The following TSHZ3 variants were observed in gnomAD, a reference collection of about 807,000 sequenced individuals.
TSHZ3 encodes the protein teashirt homolog 3.
In TSHZ3, 10 loss-of-function variants were observed where a neutral mutation model predicts 64.5. The ratio of observed to expected loss-of-function variants is 0.16; its 90% CI spans 0.10 to 0.26. The LOEUF (loss-of-function observed/expected upper bound fraction) is 0.26, where lower values mean the gene tolerates loss of function less well. Ranked by LOEUF, TSHZ3 falls within the 10% of genes least tolerant of loss-of-function variation. The pLI is 1.00. For missense variants in TSHZ3, 1,242 were observed against 1,421.7 expected (o/e 0.87, Z 2.03); for synonymous variants, 608 against 593.1 (o/e 1.03, Z -0.36).
chr19:31,233,774 A>G (rs1975571169), intron 3 of TSHZ3, among the ~76,000 whole-genome samples: 1 of 152,176 alleles, frequency 6.6e-6, no homozygotes, highest in Admixed American at 6.5e-5. Context: ...TGAGCAAAGG[A>G]TTGAGGTTCA....
At position 31,256,024 on chromosome 19, in the gene TSHZ3, G is replaced by A. The variant is rs562471720; in HGVS notation, n.64-13149C>T. 6.6e-5 allele frequency among the ~76,000 whole-genome samples: 10 copies of A among 152,228 alleles called. 1 individual carries two copies. Among genetic ancestry groups the A allele is most frequent in the African/African-American group, 2.2e-4 (9 of 41,526 alleles). On this transcript the variant is annotated intron_variant and non_coding_transcript_variant, in intron 1 of 6. Transcript: ENST00000651361. The stretch of plus-strand genomic sequence containing the variant: ...GGTGCAGGGGATGCAGTAGGAGAGC[G>A]CAGGGGTGGCGCCAAAACTGAGTGC...
chr19:31,171,789 G>A (rs1377804652), intron 5 of TSHZ3, among the ~76,000 whole-genome samples: 1 of 152,084 alleles, frequency 6.6e-6, no homozygotes, highest in Non-Finnish European at 1.5e-5. Flanking sequence ...GAATTAATGT[G>A]ATGTCAGTAT....
intron 4 of TSHZ3, among the ~76,000 whole-genome samples, chr19:31,223,180 T>C (rs1975412686): frequency 6.6e-6 from 1 of 152,142 alleles, no homozygotes; most frequent in Admixed American, 6.5e-5. Context: ...TTGTTTTTGG[T>C]GTACACTTAA....
intron 4 of TSHZ3, among the ~76,000 whole-genome samples, chr19:31,214,252 C>T (rs776345393): frequency 7.2e-5 from 11 of 152,164 alleles, no homozygotes; most frequent in Non-Finnish European, 1.5e-4. Context: ...GGGTCCCAGC[C>T]GCAGGGTAAC....
intron 1 of TSHZ3, among the ~76,000 whole-genome samples, chr19:31,319,890 G>A (rs796909247): frequency 8.9e-5 from 13 of 146,114 alleles, no homozygotes; most frequent in African/African-American, 3.3e-4. Context: ...GCCCCCCTGA[G>A]AAAGTAGCAA....
At chr19:31,243,692 A>C (rs1480718099) in intron 1 of TSHZ3, among the ~76,000 whole-genome samples, 1 of 152,044 alleles carries the variant, frequency 6.6e-6, no homozygotes, top group Non-Finnish European at 1.5e-5. Context: ...TCCCCTGCCA[A>C]GGTCAGGGTT....
chr19:31,159,325 T>C (rs1974343247), intron 5 of TSHZ3, among the ~76,000 whole-genome samples: 1 of 152,052 alleles, frequency 6.6e-6, no homozygotes. Flanking sequence ...TTTAAGGACC[T>C]TCGTGATTAC....
chr19:31,225,648 A>T (rs1975449411), intron 4 of TSHZ3, among the ~76,000 whole-genome samples: 1 of 152,142 alleles, frequency 6.6e-6, no homozygotes, highest in Admixed American at 6.5e-5. Flanking sequence ...ACAAAGGTGA[A>T]GTTCGCCCTT....
chr19:31,322,397 C>A (rs1245868263), intron 1 of TSHZ3, among the ~76,000 whole-genome samples: 1 of 152,084 alleles, frequency 6.6e-6, no homozygotes, highest in African/African-American at 2.4e-5. Flanking sequence ...GGATTACAGG[C>A]GTGAGCCCCC....
At chr19:31,291,765 T>A (rs1234466100) in intron 1 of TSHZ3, among the ~76,000 whole-genome samples, 1 of 152,176 alleles carries the variant, frequency 6.6e-6, no homozygotes, top group African/African-American at 2.4e-5. Flanking sequence ...TCTGCTGTCA[T>A]GGGGAGTCCA....
At chr19:31,179,151 G>A (rs1196689091) in intron 5 of TSHZ3, among the ~76,000 whole-genome samples, 1 of 152,114 alleles carries the variant, frequency 6.6e-6, no homozygotes, top group Non-Finnish European at 1.5e-5. Flanking sequence ...AATGGGGAAA[G>A]GGACTAACAG....
At chr19:31,327,148 C>T (rs1361836727) in intron 1 of TSHZ3, among the ~76,000 whole-genome samples, 1 of 151,992 alleles carries the variant, frequency 6.6e-6, no homozygotes, top group African/African-American at 2.4e-5. Flanking sequence ...ATCATGAGAA[C>T]AGTACTGTAA....
rs375933580 is a variant in TSHZ3, at chr19:31,277,675, C to T, written c.2118G>A (p.Thr706=). 48 of 1,527,832 alleles carry T rather than the reference C, an allele frequency of 3.1e-5. No individual in the cohort carries two copies. Among genetic ancestry groups the T allele is most frequent in the Non-Finnish European group, 3.6e-5 (41 of 1,139,578 alleles). The allele number at this position is 1,527,832 out of a possible 1,614,324, so 94.6% of individuals were successfully genotyped here. A position where few individuals can be genotyped will look rare whatever the true frequency, so the allele number is the denominator to read the frequency against. ...CAGGCGGGTGGTCGGTGATGATGGC[C>T]GTGCTGCCACTCAAACTGCTGGCTA... ...KPLASSLSGS[T]AIITDHPPEQ... is the part of the protein sequence containing the mutation. The change falls in exon 2 of 2, where the codon ACG becomes ACA. Residue 706 remains threonine, a synonymous_variant. Transcript: ENST00000240587. The surrounding 1 kb of genome is among the most constrained non-coding windows in gnomAD (Gnocchi z 4.5).
intron 1 of TSHZ3, among the ~76,000 whole-genome samples, chr19:31,299,818 CCT>C (rs1294331037): frequency 6.6e-6 from 1 of 152,168 alleles, no homozygotes; most frequent in African/African-American, 2.4e-5. Context: ...TCAGGGCAGC[CCT>C]CTCTGTTGGC....
intron 6 of TSHZ3, among the ~76,000 whole-genome samples, chr19:31,155,106 G>A (rs1386425040): frequency 6.6e-6 from 1 of 152,220 alleles, no homozygotes; most frequent in East Asian, 1.9e-4. Flanking sequence ...AGAGCAAATG[G>A]ATGGAAAAGC....
chr19:31,309,154 G>A (rs1023607425), intron 1 of TSHZ3, among the ~76,000 whole-genome samples: 13 of 152,264 alleles, frequency 8.5e-5, no homozygotes, highest in Non-Finnish European at 1.5e-4. Flanking sequence ...ACACAATGCC[G>A]GAAGGCATCG....
At chr19:31,178,442 G>A (rs901382124) in intron 5 of TSHZ3, among the ~76,000 whole-genome samples, 1 of 152,182 alleles carries the variant, frequency 6.6e-6, no homozygotes, top group Admixed American at 6.5e-5. Flanking sequence ...CTGTAAGGGA[G>A]GCCAAGTCAG....
At chr19:31,310,176 G>A (rs1370194154) in intron 1 of TSHZ3, among the ~76,000 whole-genome samples, 2 of 152,046 alleles carry the variant, frequency 1.3e-5, no homozygotes, top group African/African-American at 2.4e-5. Flanking sequence ...GCCTCCACTC[G>A]GTGTCTCAAC....
chr19:31,175,229 C>T (rs1009734674), intron 5 of TSHZ3, among the ~76,000 whole-genome samples: 2 of 152,148 alleles, frequency 1.3e-5, no homozygotes, highest in African/African-American at 4.8e-5. Flanking sequence ...GCCGGGAATT[C>T]TTACATTGCG....
Sources: allele counts gnomAD v4.1 joint callset (sites outside exome capture counted in the v4.1 genomes callset), GRCh38; gene constraint gnomAD v4.1.1; non-coding constraint Gnocchi (gnomAD v3.1); transcripts MANE v1.5; gene names NCBI Gene and HGNC (gene_info 2026-07-23, HGNC 2026-07-21).